DESI1: variants seen among roughly 807,000 people sequenced by gnomAD.
DESI1 encodes desumoylating isopeptidase 1, also known as PPPDE peptidase domain containing 2.
Under a neutral mutation model 22.4 loss-of-function variants are expected in DESI1, and 17 were observed. The ratio of observed to expected loss-of-function variants is 0.76; its 90% CI spans 0.52 to 1.14. The LOEUF (loss-of-function observed/expected upper bound fraction) is 1.14. Among genes scored for constraint, DESI1 ranks in the 50% most tolerant of loss-of-function variants. The probability of loss-of-function intolerance (pLI) is 0.00; values close to 1 mark genes in which losing one functional copy is unlikely to be tolerated. For missense variants in DESI1, 177 were observed against 208.9 expected (o/e 0.85, Z 0.94); for synonymous variants, 92 against 84.2 (o/e 1.09, Z -0.51).
chr22:41,614,040 T>A (rs1169033870), intron 1 of DESI1, among the ~76,000 whole-genome samples: 2 of 152,076 alleles, frequency 1.3e-5, no homozygotes, highest in Non-Finnish European at 2.9e-5. Context: ...TTATTCATTC[T>A]TTCTTTTTTT....
chr22:41,619,216 G>GT, intron 1 of DESI1, among the ~76,000 whole-genome samples: 1 of 152,160 alleles, frequency 6.6e-6, no homozygotes, highest in East Asian at 1.9e-4. Context: ...CAAATAATGG[G>GT]TTGGCTACAT....
At chr22:41,601,458 T>C (rs2067449533) in intron 5 of DESI1, among the ~76,000 whole-genome samples, 1 of 152,202 alleles carries the variant, frequency 6.6e-6, no homozygotes, top group Admixed American at 6.5e-5. Context: ...TAGAGCCTGG[T>C]TAGCTGTGGT....
chr22:41,604,218 T>TCCC (rs1158115184), intron 3 of DESI1, 65 bp from the exon 4 acceptor site: 1 of 1,354,442 alleles, frequency 7.4e-7, no homozygotes, highest in Non-Finnish European at 1.0e-6. Context: ...TAATGTGGCT[T>TCCC]CCCACAGTAG....
chr22:41,607,406 A>G (rs1278605483), intron 2 of DESI1, 75 bp from the exon 3 acceptor site: 1 of 1,428,868 alleles, frequency 7.0e-7, no homozygotes, highest in African/African-American at 1.4e-5. Context: ...TAATGCAATG[A>G]GAGTAATTTC....
chr22:41,609,369 T>G (rs1487411524), intron 1 of DESI1, among the ~76,000 whole-genome samples: 3 of 152,364 alleles, frequency 2.0e-5, no homozygotes, highest in East Asian at 3.9e-4. Context: ...TCAGAGTTGC[T>G]GTGACTGGTA....
chr22:41,603,910 T>A lies in DESI1; in HGVS notation c.290+134A>T, dbSNP rs541471968. 2.4e-4 allele frequency: 169 copies of A among 710,862 alleles called. 1 individual carries two copies. In the South Asian group the frequency reaches 3.1e-3, roughly 13 times the overall value. The allele number at this position is 710,862 out of a possible 1,614,324, so 44.0% of individuals were successfully genotyped here. A position where few individuals can be genotyped will look rare whatever the true frequency, so the allele number is the denominator to read the frequency against. On this transcript the variant is annotated intron_variant, in intron 4 of 5. Transcript: ENST00000263256. ...TTGTAGCATAACTGCCTTTTCTTCA[T>A]GTTAATTCAGCAAAAAACTGGGCCA...
intron 1 of DESI1, among the ~76,000 whole-genome samples, chr22:41,617,541 A>C (rs2067558038): frequency 6.6e-6 from 1 of 152,272 alleles, no homozygotes; most frequent in Non-Finnish European, 1.5e-5. Context: ...CCCAACTTCA[A>C]GATTTGTGTT....
At chr22:41,616,202 C>T (rs2147049769) in intron 1 of DESI1, among the ~76,000 whole-genome samples, 1 of 152,320 alleles carries the variant, frequency 6.6e-6, no homozygotes, top group African/African-American at 2.4e-5. Context: ...GAGATCGTGT[C>T]ATTACACTCC....
intron 3 of DESI1, among the ~76,000 whole-genome samples, chr22:41,605,640 A>G (rs1287539563): frequency 6.6e-6 from 1 of 152,196 alleles, no homozygotes; most frequent in East Asian, 1.9e-4. Flanking sequence ...CTATGGATTG[A>G]GAACTTATTA....
At chr22:41,607,814 A>G (rs772416975) in intron 2 of DESI1, 26 bp downstream of exon 2, 1 of 1,614,018 alleles carries the variant, frequency 6.2e-7, no homozygotes, top group Non-Finnish European at 8.5e-7. Context: ...AAAACTAGTC[A>G]AAGTAAGGAG....
intron 1 of DESI1, among the ~76,000 whole-genome samples, chr22:41,613,052 C>G (rs1422129905): frequency 6.6e-6 from 1 of 152,174 alleles, no homozygotes; most frequent in Non-Finnish European, 1.5e-5. Flanking sequence ...AACACTAAGC[C>G]TGAGCTGTCC....
At chr22:41,619,699 C>A (rs752135487) in intron 1 of DESI1, among the ~76,000 whole-genome samples, 26 of 152,162 alleles carry the variant, frequency 1.7e-4, no homozygotes, top group Non-Finnish European at 1.5e-4. Context: ...CAATTCACTA[C>A]GACATATTAG....
chr22:41,602,779 CTG>C, intron 5 of DESI1: 1 of 1,013,532 alleles, frequency 9.9e-7, no homozygotes, highest in Non-Finnish European at 1.2e-6. Context: ...CTGTTGAAGA[CTG>C]TGCTGTAATA....
At chr22:41,602,675 G>C in intron 5 of DESI1, 4 of 987,928 alleles carry the variant, frequency 4.0e-6, no homozygotes, top group Non-Finnish European at 4.8e-6. Context: ...TGTCCTTTCG[G>C]GGTATACTGC....
chr22:41,601,697 G>A (rs866250014), intron 5 of DESI1, among the ~76,000 whole-genome samples: 73 of 152,160 alleles, frequency 4.8e-4, no homozygotes, highest in African/African-American at 1.7e-3. Flanking sequence ...AATGACAAAT[G>A]CTAGGTTGCC....
In DESI1 at chr22:41,605,013, A is replaced by G. The variant is rs556634416; in HGVS notation, c.181-860T>C. Among the ~76,000 whole-genome samples the G allele has an allele frequency of 1.4e-4, 22 of 152,354 alleles. No individual in the cohort carries two copies. In the South Asian group the frequency reaches 4.6e-3, roughly 32 times the overall value. Reference sequence around the variant, plus strand: ...TTACTCAGCTGAGAAAGAGAAACCCAGAATCTGAAGTCTACTTTTGTCCCC... The same window carrying G: ...TTACTCAGCTGAGAAAGAGAAACCCGGAATCTGAAGTCTACTTTTGTCCCC... On this transcript the variant is annotated intron_variant, in intron 3 of 5. Transcript: ENST00000263256.
chr22:41,604,254 T>A, intron 3 of DESI1, 101 bp from the exon 4 acceptor site: 1 of 643,054 alleles, frequency 1.6e-6, no homozygotes, highest in Non-Finnish European at 2.1e-6. Context: ...TTCTGACTTT[T>A]TTTTTTTTTT....
At position 41,620,888 on chromosome 22, in the gene DESI1, C is replaced by T. The variant is rs1221622941; in HGVS notation, c.-49G>A. The T allele has an allele frequency of 1.9e-6, 3 of 1,552,482 alleles. No individual in the cohort carries two copies. The highest frequency in any genetic ancestry group is 2.6e-6 in the Non-Finnish European group (3 of 1,146,326). ...ACGACGGCCCTCGGGCACCCGGCAG[C>T]GGCTTGGACCTTCCCGTACCCGACG... On this transcript the variant is annotated 5_prime_UTR_variant, in exon 1 of 6. Transcript: ENST00000263256.
chr22:41,617,344 G>T (rs200171240), intron 1 of DESI1, among the ~76,000 whole-genome samples: 12 of 152,128 alleles, frequency 7.9e-5, no homozygotes, highest in Non-Finnish European at 1.6e-4. Context: ...TTGTGGTGAG[G>T]ATTATAATGC....
Sources: allele counts gnomAD v4.1 joint callset (sites outside exome capture counted in the v4.1 genomes callset), GRCh38; gene constraint gnomAD v4.1.1; transcripts MANE v1.5; gene names NCBI Gene and HGNC (gene_info 2026-07-23, HGNC 2026-07-21).